The following B3GALT1 variants were observed in gnomAD, a reference collection of about 807,000 sequenced individuals.
The protein encoded by B3GALT1 is UDP-Gal:betaGlcNAc beta 1,3-galactosyltransferase, polypeptide 1.
In B3GALT1, 10 loss-of-function variants were observed where a neutral mutation model predicts 23.2. That is an observed-to-expected ratio of 0.43 (90% confidence interval 0.27 to 0.73). The LOEUF (loss-of-function observed/expected upper bound fraction) is 0.73. B3GALT1 is among the 30% of genes least tolerant of loss of function. B3GALT1 has a pLI of 0.21. For missense variants in B3GALT1, 299 were observed against 405.4 expected (o/e 0.74, Z 2.25); for synonymous variants, 156 against 141.5 (o/e 1.10, Z -0.73).
Position 167,763,515 on chromosome 2 carries a change from C to A in B3GALT1, c.-351-55157C>A, listed in dbSNP as rs141165372. On this transcript the variant is annotated intron_variant, in intron 3 of 4. Transcript: ENST00000392690. ...TCACTAGAGCCTCCTCTATGTCCAACAGACTCATTTTAAGATCTCTAGTAA... is the reference window on the plus strand; with the variant it reads ...TCACTAGAGCCTCCTCTATGTCCAAAAGACTCATTTTAAGATCTCTAGTAA... 1.1e-3 allele frequency among the ~76,000 whole-genome samples: 166 copies of A among 151,958 alleles called. 1 individual carries two copies. Among genetic ancestry groups the A allele is most frequent in the African/African-American group, 3.8e-3 (156 of 41,456 alleles).
chr2:167,503,432 C>T (rs1014914771), intron 2 of B3GALT1, among the ~76,000 whole-genome samples: 1 of 152,144 alleles, frequency 6.6e-6, no homozygotes, highest in East Asian at 1.9e-4. Context: ...TACTGTTAAG[C>T]TTTCATCTTG....
intron 3 of B3GALT1, among the ~76,000 whole-genome samples, chr2:167,659,225 C>G (rs1244991162): frequency 2.8e-5 from 4 of 142,326 alleles, no homozygotes; most frequent in Admixed American, 7.1e-5. Flanking sequence ...GCATCTTGAG[C>G]TAGTTCCATG....
chr2:167,746,456 C>G, intron 3 of B3GALT1, among the ~76,000 whole-genome samples: 1 of 152,192 alleles, frequency 6.6e-6, no homozygotes, highest in Non-Finnish European at 1.5e-5. Context: ...CATGCATGAC[C>G]TAACCAAAGA....
intron 4 of B3GALT1, among the ~76,000 whole-genome samples, chr2:167,837,162 A>G (rs571603673): frequency 5.1e-4 from 78 of 152,358 alleles, no homozygotes; most frequent in Non-Finnish European, 2.6e-4. Context: ...GACAGGATCA[A>G]ATTCACACAT....
At chr2:167,564,919 T>A (rs1684125761) in intron 2 of B3GALT1, among the ~76,000 whole-genome samples, 3 of 152,246 alleles carry the variant, frequency 2.0e-5, no homozygotes, top group Non-Finnish European at 1.5e-5. Flanking sequence ...ATCATGAAAA[T>A]GGCCATACTG....
intron 3 of B3GALT1, among the ~76,000 whole-genome samples, chr2:167,658,650 C>T (rs775913719): frequency 6.6e-6 from 1 of 151,880 alleles, no homozygotes; most frequent in Non-Finnish European, 1.5e-5. Flanking sequence ...ATACATTTAC[C>T]AACACATTAA....
At chr2:167,595,018 G>C (rs1322536259) in intron 2 of B3GALT1, among the ~76,000 whole-genome samples, 1 of 152,130 alleles carries the variant, frequency 6.6e-6, no homozygotes, top group Non-Finnish European at 1.5e-5. Context: ...TATTACTTTG[G>C]CACTTGATCT....
chr2:167,559,575 T>C (rs888135942), intron 2 of B3GALT1, among the ~76,000 whole-genome samples: 5 of 152,092 alleles, frequency 3.3e-5, no homozygotes, highest in African/African-American at 1.2e-4. Flanking sequence ...TAGACGAATG[T>C]ATAGCTGGAA....
intron 2 of B3GALT1, among the ~76,000 whole-genome samples, chr2:167,529,514 A>G (rs1009314133): frequency 2.7e-5 from 4 of 148,236 alleles, no homozygotes; most frequent in Admixed American, 6.8e-5. Context: ...CGGAGGTGCT[A>G]GTAACTGAGA....
chr2:167,668,349 T>C (rs570283921), intron 3 of B3GALT1, among the ~76,000 whole-genome samples: 77 of 152,270 alleles, frequency 5.1e-4, no homozygotes, highest in Admixed American at 7.2e-4. Context: ...CACTGCTCTC[T>C]TCAAAGCTGT....
intron 1 of B3GALT1, among the ~76,000 whole-genome samples, chr2:167,381,551 G>A (rs971332969): frequency 2.0e-5 from 3 of 152,218 alleles, no homozygotes; most frequent in African/African-American, 4.8e-5. Flanking sequence ...AGCATTCTTC[G>A]CATTCTTTTT....
At position 167,870,029 on chromosome 2, in the gene B3GALT1, C is replaced by T. The variant is rs1027646295; in HGVS notation, c.*9C>T. 5 of 1,578,458 alleles carry T rather than the reference C, an allele frequency of 3.2e-6. No individual in the cohort carries two copies. The highest frequency in any genetic ancestry group is 4.3e-6 in the Non-Finnish European group (5 of 1,159,456). On this transcript the variant is annotated 3_prime_UTR_variant, in exon 5 of 5. Coordinates refer to ENST00000392690, the MANE Select transcript of B3GALT1 (RefSeq NM_020981.4). ...AACATCTCAGATGTTAGGATTTTTA[C>T]CAATGTAAATATGTTTCTTTTCTTT...
chr2:167,715,568 A>AT (rs1339286687), intron 3 of B3GALT1: 4 of 1,613,912 alleles, frequency 2.5e-6, no homozygotes, highest in Non-Finnish European at 3.4e-6. Flanking sequence ...AATATCTGCC[A>AT]TCAGTTCATC....
At position 167,870,335 on chromosome 2, in the gene B3GALT1, CTG is replaced by C. The variant is rs970859245; in HGVS notation, c.*316_*317del. On this transcript the variant is annotated 3_prime_UTR_variant, in exon 5 of 5. Coordinates refer to ENST00000392690, the MANE Select transcript of B3GALT1 (RefSeq NM_020981.4). Reference sequence around the variant, plus strand: ...GAGATAAAAATTTGGTTCTGGGAAACTGAAACTCACAGTAATGTGTCATATCA... The same window carrying C: ...GAGATAAAAATTTGGTTCTGGGAAACAAACTCACAGTAATGTGTCATATCA... 1 of 235,984 alleles carries C rather than the reference CTG, an allele frequency of 4.2e-6. No homozygotes were observed. The highest frequency in any genetic ancestry group is 2.3e-5 in the African/African-American group (1 of 44,116). The allele number at this position is 235,984 out of a possible 1,614,324, so 14.6% of individuals were successfully genotyped here.
chr2:167,649,004 C>T (rs1685807595), intron 3 of B3GALT1, among the ~76,000 whole-genome samples: 2 of 152,128 alleles, frequency 1.3e-5, no homozygotes, highest in Non-Finnish European at 2.9e-5. Context: ...TATAGCCTTT[C>T]ACTTGCTCAA....
At chr2:167,645,724 T>C in intron 2 of B3GALT1, among the ~76,000 whole-genome samples, 1 of 152,018 alleles carries the variant, frequency 6.6e-6, no homozygotes, top group Middle Eastern at 3.4e-3. Context: ...TGAGCCACCA[T>C]GCCTGGCTCA....
intron 2 of B3GALT1, among the ~76,000 whole-genome samples, chr2:167,532,181 T>C (rs1473335990): frequency 6.6e-6 from 1 of 152,182 alleles, no homozygotes; most frequent in East Asian, 1.9e-4. Context: ...ATATTTTAAT[T>C]TGTCTATTGG....
intron 1 of B3GALT1, among the ~76,000 whole-genome samples, chr2:167,297,707 A>G (rs938860111): frequency 6.6e-6 from 1 of 152,088 alleles, no homozygotes; most frequent in Admixed American, 6.5e-5. Context: ...TCTCAGAATT[A>G]TTACTTATCC....
intron 2 of B3GALT1, among the ~76,000 whole-genome samples, chr2:167,525,012 C>T (rs765545778): frequency 6.6e-6 from 1 of 152,206 alleles, no homozygotes; most frequent in Non-Finnish European, 1.5e-5. Flanking sequence ...AGTAAACTAT[C>T]ATGTGCACAT....
Sources: allele counts gnomAD v4.1 joint callset (sites outside exome capture counted in the v4.1 genomes callset), GRCh38; gene constraint gnomAD v4.1.1; transcripts MANE v1.5; gene names NCBI Gene and HGNC (gene_info 2026-07-23, HGNC 2026-07-21).